The following LRP2BP variants were observed in gnomAD, a reference collection of about 807,000 sequenced individuals.
LRP2BP encodes the protein LRP2-binding protein.
A neutral mutation model predicts 45.2 loss-of-function variants in LRP2BP; 38 were observed. The observed-to-expected ratio is 0.84, with a 90% CI of 0.65 to 1.10. LRP2BP has a LOEUF of 1.10. Among genes scored for constraint, LRP2BP ranks in the 50% least tolerant of loss-of-function variants. The probability of loss-of-function intolerance (pLI) is 0.00; values close to 1 mark genes in which losing one functional copy is unlikely to be tolerated. For synonymous variants in LRP2BP, 153 were observed against 153.9 expected, an observed-to-expected ratio of 0.99 and a Z score of 0.04; for missense variants, 385 against 418.9, an observed-to-expected ratio of 0.92 and a Z score of 0.71.
chr4:185,375,487 A>AAAAAAAAAAAAAT, intron 4 of LRP2BP, 126 bp downstream of exon 4: 1 of 12,010 alleles, frequency 8.3e-5, no homozygotes, highest in Non-Finnish European at 1.5e-4. Flanking sequence ...AAAAAAAAAA[A>AAAAAAAAAAAAAT]ATATATATAT....
chr4:185,380,154 T>G (rs1178813798), intron 1 of LRP2BP, among the ~76,000 whole-genome samples: 1 of 152,154 alleles, frequency 6.6e-6, no homozygotes, highest in East Asian at 1.9e-4. Context: ...TTGATGGATT[T>G]ACTGGGTATT....
At chr4:185,384,898 GCC>G (rs1289082416) in intron 1 of LRP2BP, among the ~76,000 whole-genome samples, 1 of 40,938 alleles carries the variant, frequency 2.4e-5, no homozygotes, top group South Asian at 1.0e-3. Context: ...CCCCCTCCCC[GCC>G]CCCCGTCCCC....
intron 1 of LRP2BP, chr4:185,378,508 C>A: frequency 9.3e-7 from 1 of 1,077,924 alleles, no homozygotes; most frequent in Non-Finnish European, 1.1e-6. Context: ...AGTCACCCAG[C>A]ACAAGTGTTG....
intron 1 of LRP2BP, among the ~76,000 whole-genome samples, chr4:185,393,313 G>A (rs956726808): frequency 1.5e-4 from 23 of 152,162 alleles, no homozygotes; most frequent in African/African-American, 5.3e-4. Context: ...TCCAATTAAT[G>A]TTTTAAAGTA....
intron 7 of LRP2BP, among the ~76,000 whole-genome samples, chr4:185,371,726 G>T (rs1262826259): frequency 6.6e-6 from 1 of 152,148 alleles, no homozygotes; most frequent in African/African-American, 2.4e-5. Flanking sequence ...TAAAGTCTTA[G>T]TTCTAACTAA....
At chr4:185,375,001 A>T (rs1054490496) in intron 4 of LRP2BP, among the ~76,000 whole-genome samples, 37 of 152,124 alleles carry the variant, frequency 2.4e-4, no homozygotes, top group African/African-American at 8.9e-4. Flanking sequence ...AGCATAGAAG[A>T]TATTCTAACC....
Position 185,370,669 on chromosome 4 carries a change from C to A in LRP2BP, c.949G>T (p.Glu317Ter), listed in dbSNP as rs1356204807. Residue 317 changes from glutamate (E) to a stop codon, truncating the protein, a stop_gained, in exon 8 of 9, where the codon GAA becomes TAA. Transcript: ENST00000505916. LOFTEE classifies it high-confidence loss of function. ...GAATAATAGTGTTTAGCGGTTGTTTCATCCCTGGTGATGCCCAAGCCAAGC... is the reference window on the plus strand; with the variant it reads ...GAATAATAGTGTTTAGCGGTTGTTTAATCCCTGGTGATGCCCAAGCCAAGC... Reference protein sequence around the residue: ...LQLGLGITRDETTAKHYYSKA... With the variant: ...LQLGLGITRD 1 of 1,614,016 alleles carries A rather than the reference C, an allele frequency of 6.2e-7. No individual in the cohort carries two copies.
At position 185,387,626 on chromosome 4, in the gene LRP2BP, C is replaced by T. The variant is rs148439702; in HGVS notation, c.-22+7153G>A. On this transcript the variant is annotated intron_variant, in intron 1 of 8. Coordinates refer to ENST00000505916, the MANE Select transcript of LRP2BP (RefSeq NM_001377440.1). ...CTGTGGACCTGCATGTTTCTCTTCT[C>T]TATTTCTCAAATTTTCTGTAATAAT... is the stretch of plus-strand genomic sequence containing the variant. Among the ~76,000 whole-genome samples, 653 of 152,312 alleles carry T rather than the reference C, an allele frequency of 4.3e-3. 5 individuals carry two copies. Among genetic ancestry groups the T allele is most frequent in the African/African-American group, 0.015 (606 of 41,568 alleles).
At chr4:185,387,739 C>T (rs2095475802) in intron 1 of LRP2BP, among the ~76,000 whole-genome samples, 1 of 152,202 alleles carries the variant, frequency 6.6e-6, no homozygotes, top group African/African-American at 2.4e-5. Flanking sequence ...GCTCCATATT[C>T]CCCACAAGGT....
At chr4:185,375,999 T>C (rs560015894) in intron 3 of LRP2BP, among the ~76,000 whole-genome samples, 1 of 152,114 alleles carries the variant, frequency 6.6e-6, no homozygotes, top group East Asian at 1.9e-4. Context: ...AAGTGGGATA[T>C]AGGTGAACAG....
intron 8 of LRP2BP, 58 bp from the exon 9 acceptor site, chr4:185,367,303 CTT>C (rs138875428): frequency 3.2e-3 from 3,531 of 1,094,978 alleles, no homozygotes; most frequent in Admixed American, 5.5e-3. Context: ...GGTCTTTCTT[CTT>C]TTTTTTTTTT....
At chr4:185,367,347 G>C in intron 8 of LRP2BP, 102 bp from the exon 9 acceptor site, 2 of 1,035,570 alleles carry the variant, frequency 1.9e-6, no homozygotes, top group African/African-American at 1.6e-5. Flanking sequence ...GAATAGTAAA[G>C]TACAGTGAAT....
At chr4:185,373,727 C>T (rs2095423940) in intron 6 of LRP2BP, among the ~76,000 whole-genome samples, 1 of 152,164 alleles carries the variant, frequency 6.6e-6, no homozygotes, top group African/African-American at 2.4e-5. Flanking sequence ...CTGTTTCAAC[C>T]ATTGATGAAA....
chr4:185,385,303 G>A (rs2126830683), intron 1 of LRP2BP, among the ~76,000 whole-genome samples: 1 of 151,684 alleles, frequency 6.6e-6, no homozygotes, highest in Non-Finnish European at 1.5e-5. Context: ...ATACACTCCG[G>A]GATGATTTAC....
In LRP2BP at chr4:185,367,063, TA is replaced by T; in HGVS notation, c.*116del. The T allele has an allele frequency of 2.2e-6, 2 of 903,562 alleles. No individual in the cohort carries two copies. Among genetic ancestry groups the T allele is most frequent in the Non-Finnish European group, 1.7e-6 (1 of 581,466 alleles). The allele number at this position is 903,562 out of a possible 1,614,324, so 56.0% of individuals were successfully genotyped here. ...CAAGAACGAAGTAACATGTCACCTG[TA>T]AAATACCCAGGATAGTGTAATTTGT... On this transcript the variant is annotated 3_prime_UTR_variant, in exon 9 of 9. Transcript: ENST00000505916.
At chr4:185,387,646 A>G (rs1359026036) in intron 1 of LRP2BP, among the ~76,000 whole-genome samples, 1 of 152,190 alleles carries the variant, frequency 6.6e-6, no homozygotes, top group Non-Finnish European at 1.5e-5. Context: ...AATTTTCTGT[A>G]ATAATATTGT....
At chr4:185,370,573 T>A in intron 8 of LRP2BP, 67 bp downstream of exon 8, 1 of 1,523,172 alleles carries the variant, frequency 6.6e-7, no homozygotes, top group Non-Finnish European at 9.0e-7. Flanking sequence ...CGTAAAACTA[T>A]TCAAGTTGCA....
intron 1 of LRP2BP, among the ~76,000 whole-genome samples, chr4:185,385,916 G>GCGGGT (rs758927819): frequency 1.4e-5 from 2 of 138,000 alleles, no homozygotes; most frequent in Non-Finnish European, 3.2e-5. Context: ...GGGGGGGGGG[G>GCGGGT]AGATAAAGAA....
At position 185,395,298 on chromosome 4, in the gene LRP2BP, T is replaced by C; in HGVS notation, c.-541A>G. On this transcript the variant is annotated 5_prime_UTR_variant, in exon 1 of 9. Coordinates refer to ENST00000505916, the MANE Select transcript of LRP2BP (RefSeq NM_001377440.1). ...TGGAGGCACTTTCACCACACAAATA[T>C]CCCACTACATATGCTAACTGCAGTA... The C allele has an allele frequency of 1.0e-5, 10 of 985,430 alleles. No homozygotes were observed. Among genetic ancestry groups the C allele is most frequent in the South Asian group, 4.7e-5 (1 of 21,286 alleles). The allele number at this position is 985,430 out of a possible 1,614,324, so 61.0% of individuals were successfully genotyped here. A position where few individuals can be genotyped will look rare whatever the true frequency, so the allele number is the denominator to read the frequency against.
Sources: allele counts gnomAD v4.1 joint callset (sites outside exome capture counted in the v4.1 genomes callset), GRCh38; gene constraint gnomAD v4.1.1; transcripts MANE v1.5; gene names NCBI Gene and HGNC (gene_info 2026-07-23, HGNC 2026-07-21).